The following DNAAF11 variants were observed in gnomAD, a reference collection of about 807,000 sequenced individuals.
DNAAF11 encodes leucine rich repeat containing 6.
Under a neutral mutation model 60.8 loss-of-function variants are expected in DNAAF11, and 45 were observed. That is an observed-to-expected ratio of 0.74 (90% CI 0.58 to 0.95). The LOEUF is 0.95. DNAAF11 is among the 40% of genes least tolerant of loss of function. The probability of loss-of-function intolerance (pLI) is 0.00; values close to 1 mark genes in which losing one functional copy is unlikely to be tolerated. For missense variants in DNAAF11, 546 were observed against 546.2 expected, an observed-to-expected ratio of 1.00 and a Z score of 0.00; for synonymous variants, 191 against 183.5, an observed-to-expected ratio of 1.04 and a Z score of -0.33.
At chr8:132,589,348 C>T (rs1224841841) in intron 10 of DNAAF11, among the ~76,000 whole-genome samples, 1 of 152,124 alleles carries the variant, frequency 6.6e-6, no homozygotes, top group East Asian at 1.9e-4. Context: ...GAATTTATTT[C>T]ATGGCACTTG....
intron 9 of DNAAF11, 23 bp from the exon 10 acceptor site, chr8:132,610,284 T>C (rs1818529036): frequency 2.0e-6 from 3 of 1,525,916 alleles, no homozygotes; most frequent in Non-Finnish European, 1.8e-6. Flanking sequence ...AGAAAGAAAG[T>C]ATCATTGAGA....
At chr8:132,618,122 G>C (rs1241844592) in intron 7 of DNAAF11, among the ~76,000 whole-genome samples, 1 of 151,930 alleles carries the variant, frequency 6.6e-6, no homozygotes, top group Non-Finnish European at 1.5e-5. Context: ...GAACAGAACA[G>C]AGCCCTCAGA....
chr8:132,692,562 C>T, the DNAAF11 span, among the ~76,000 whole-genome samples: 2 of 152,178 alleles, frequency 1.3e-5, no homozygotes, highest in South Asian at 2.1e-4. Context: ...GACAAATGCA[C>T]GCAGAACAAG....
intron 10 of DNAAF11, among the ~76,000 whole-genome samples, chr8:132,608,052 A>G (rs1818295794): frequency 6.6e-6 from 1 of 152,220 alleles, no homozygotes; most frequent in Admixed American, 6.5e-5. Flanking sequence ...AAAGATGTTA[A>G]CTTTCAGAAA....
intron 10 of DNAAF11, among the ~76,000 whole-genome samples, chr8:132,594,144 A>G (rs1816752394): frequency 1.3e-5 from 2 of 152,134 alleles, no homozygotes; most frequent in African/African-American, 4.8e-5. Context: ...TCAGATAAGG[A>G]ATGAATAAGG....
At chr8:132,652,034 G>T (rs1343442501) in intron 3 of DNAAF11, among the ~76,000 whole-genome samples, 2 of 152,192 alleles carry the variant, frequency 1.3e-5, no homozygotes, top group Admixed American at 1.3e-4. Context: ...AATCTTAATA[G>T]TCACTGGAAT....
chr8:132,635,472 C>T (rs1821200819), intron 4 of DNAAF11, among the ~76,000 whole-genome samples: 2 of 152,282 alleles, frequency 1.3e-5, no homozygotes, highest in South Asian at 4.1e-4. Context: ...TGTCTGCTAA[C>T]AAATCTGTTT....
At chr8:132,627,647 G>A (rs1242649156) in intron 5 of DNAAF11, among the ~76,000 whole-genome samples, 1 of 152,130 alleles carries the variant, frequency 6.6e-6, no homozygotes, top group Non-Finnish European at 1.5e-5. Flanking sequence ...TCCTGGCCCT[G>A]TTCCAGATTG....
the DNAAF11 span, among the ~76,000 whole-genome samples, chr8:132,694,819 G>A: frequency 3.9e-5 from 6 of 152,164 alleles, no homozygotes; most frequent in Non-Finnish European, 7.3e-5. Flanking sequence ...GAGGAGTCAT[G>A]GTTTACAGAG....
intron 1 of DNAAF11, 84 bp from the exon 2 acceptor site, chr8:132,661,711 TTTTG>T: frequency 1.4e-6 from 2 of 1,417,630 alleles, no homozygotes; most frequent in Non-Finnish European, 2.0e-6. Flanking sequence ...TTTGTGTTTT[TTTTG>T]TTTGTTTTTG....
At chr8:132,643,572 T>G in intron 3 of DNAAF11, 1 of 452,364 alleles carries the variant, frequency 2.2e-6, no homozygotes, top group Non-Finnish European at 4.4e-6. Flanking sequence ...TATGATATCC[T>G]GTCAATGTCA....
intron 10 of DNAAF11, among the ~76,000 whole-genome samples, chr8:132,589,703 A>G (rs1432309626): frequency 6.6e-6 from 1 of 152,228 alleles, no homozygotes; most frequent in Non-Finnish European, 1.5e-5. Flanking sequence ...AAATTCACAC[A>G]TTCGAATCAT....
At chr8:132,601,166 G>A (rs939743071) in intron 10 of DNAAF11, among the ~76,000 whole-genome samples, 1 of 152,174 alleles carries the variant, frequency 6.6e-6, no homozygotes, top group Non-Finnish European at 1.5e-5. Context: ...ACAGACACAT[G>A]AAAAAATGCT....
rs181929504 is a variant in DNAAF11 at position 132,583,608 on chromosome 8, A to G, written c.1226+86T>C. ...TCATCTCAGAACTTTAAATAATTGT[A>G]CAATTTTGGAAGCTGCATTCCAACC... is the stretch of plus-strand genomic sequence containing the variant. On this transcript the variant is annotated intron_variant, in intron 11 of 11. Coordinates refer to ENST00000620350, the MANE Select transcript of DNAAF11 (RefSeq NM_012472.6). The G allele has an allele frequency of 8.1e-6, 8 of 991,836 alleles. No individual in the cohort carries two copies. In the Admixed American group the frequency reaches 1.5e-4, roughly 19 times the overall value. The allele number at this position is 991,836 out of a possible 1,614,324, so 61.4% of individuals were successfully genotyped here.
Position 132,572,480 on chromosome 8 carries a change from T to C in DNAAF11, c.1227A>G (p.Arg409=). ...SDRSREQTNT[R]SKHMEKLEVD... is the part of the protein sequence containing the mutation. The stretch of plus-strand genomic sequence containing the variant: ...CTTCTAGTTTCTCCATGTGCTTGCT[T>C]CTATAACAACAAAAAAAGACAAACA... The change falls in exon 12 of 12, where the codon AGA becomes AGG. Residue 409 remains arginine (R), a splice_region_variant and synonymous_variant. Coordinates refer to ENST00000620350, the MANE Select transcript of DNAAF11 (RefSeq NM_012472.6). 1.3e-6 allele frequency: 2 copies of C among 1,576,940 alleles called. No individual in the cohort carries two copies. The highest frequency in any genetic ancestry group is 1.7e-6 in the Non-Finnish European group (2 of 1,163,874).
At chr8:132,660,629 G>T (rs1824043465) in intron 2 of DNAAF11, among the ~76,000 whole-genome samples, 1 of 152,174 alleles carries the variant, frequency 6.6e-6, no homozygotes, top group African/African-American at 2.4e-5. Flanking sequence ...TTCTGTGAGA[G>T]AAGTCAAGTG....
chr8:132,622,762 T>C, intron 6 of DNAAF11, 74 bp from the exon 7 acceptor site: 1 of 1,016,172 alleles, frequency 9.8e-7, no homozygotes, highest in Non-Finnish European at 1.5e-6. Context: ...ATAAAAGCAA[T>C]TAATACATTT....
intron 5 of DNAAF11, among the ~76,000 whole-genome samples, chr8:132,631,336 G>A (rs1820776397): frequency 6.6e-6 from 1 of 152,096 alleles, no homozygotes. Flanking sequence ...CATTCTGATG[G>A]GTCAGGGCAA....
At chr8:132,580,158 A>C (rs76571889) in intron 11 of DNAAF11, among the ~76,000 whole-genome samples, 1,790 of 152,304 alleles carry the variant, frequency 0.012, 40 homozygotes, top group African/African-American at 0.041. Context: ...TTTAAATAAC[A>C]TGTCTCAGAC....
Sources: allele counts gnomAD v4.1 joint callset (sites outside exome capture counted in the v4.1 genomes callset), GRCh38; gene constraint gnomAD v4.1.1; transcripts MANE v1.5; gene names NCBI Gene and HGNC (gene_info 2026-07-23, HGNC 2026-07-21).